Variants in ZNF780A observed in about 807,000 individuals in gnomAD.
ZNF780A encodes the protein zinc finger protein 780A.
ZNF780A carries 40 observed loss-of-function variants against 56.7 expected under a neutral mutation model. The observed-to-expected ratio is 0.71, with a 90% confidence interval of 0.55 to 0.92. The LOEUF (loss-of-function observed/expected upper bound fraction) is 0.92, where lower values mean the gene tolerates loss of function less well. Ranked by LOEUF, ZNF780A falls within the 40% of genes least tolerant of loss-of-function variation. The pLI, the probability that ZNF780A is intolerant of heterozygous loss-of-function variation, is 0.00. For missense variants in ZNF780A, 672 were observed against 783.3 expected, an observed-to-expected ratio of 0.86 and a Z score of 1.70; for synonymous variants, 231 against 248.3, an observed-to-expected ratio of 0.93 and a Z score of 0.66.
At chr19:40,069,566 T>G (rs1362748045), downstream of ZNF780A, 1 of 152,180 alleles carries the variant, frequency 6.6e-6, no homozygotes, top group Non-Finnish European at 1.5e-5. Flanking sequence ...GCTGAGAAAT[T>G]GTTAGTTGAC....
chr19:40,084,942 C>T (rs1568456890), intron 2 of ZNF780A, 144 bp from the exon 3 acceptor site: 3 of 1,123,622 alleles, frequency 2.7e-6, no homozygotes, highest in Non-Finnish European at 3.7e-6. Flanking sequence ...CTTGCCCCCA[C>T]ACACACTCTC....
chr19:40,085,979 T>C (rs2144968861), intron 2 of ZNF780A, among the ~76,000 whole-genome samples: 1 of 148,108 alleles, frequency 6.8e-6, no homozygotes, highest in East Asian at 2.0e-4. Flanking sequence ...TGTGTGTATA[T>C]ATATATTTAT....
rs1973995957 is a variant in ZNF780A at position 40,074,775 on chromosome 19, GGTTT to G, written c.1663_1666del (p.Lys555ProfsTer182). 6.2e-7 allele frequency: 1 copy of G among 1,613,974 alleles called. No homozygotes were observed. Among genetic ancestry groups the G allele is most frequent in the African/African-American group, 1.3e-5 (1 of 74,918 alleles). ...TTTCCCACATTCCTTACATTCAAAG[GGTTT>G]CTTTCCAGTATGAATACTTCGATGT... On this transcript the variant is annotated frameshift_variant, in exon 6 of 6. Transcript: ENST00000683561. LOFTEE classifies it high-confidence loss of function.
chr19:40,080,373 T>C (rs1169940298), intron 5 of ZNF780A, among the ~76,000 whole-genome samples: 2 of 152,190 alleles, frequency 1.3e-5, no homozygotes, highest in Non-Finnish European at 2.9e-5. Flanking sequence ...TAAAGTCACA[T>C]GAATGCCTAT....
At chr19:40,072,902 T>G (rs1383500643), downstream of ZNF780A, 1 of 1,550,420 alleles carries the variant, frequency 6.4e-7, no homozygotes, top group Non-Finnish European at 8.7e-7. Context: ...GATAACCAAA[T>G]GCAATGCAGA....
chr19:40,087,678 C>T (rs1974889934), intron 2 of ZNF780A, among the ~76,000 whole-genome samples: 1 of 152,122 alleles, frequency 6.6e-6, no homozygotes, highest in African/African-American at 2.4e-5. Flanking sequence ...TTGTATAGAA[C>T]CACAAAAGAC....
chr19:40,077,358 T>C (rs1161685179), intron 5 of ZNF780A, among the ~76,000 whole-genome samples: 1 of 151,990 alleles, frequency 6.6e-6, no homozygotes, highest in Non-Finnish European at 1.5e-5. Flanking sequence ...CTTTTACTCA[T>C]AAAAGAAGGC....
At chr19:40,087,958 T>C (rs73549835) in intron 2 of ZNF780A, among the ~76,000 whole-genome samples, 14,071 of 152,120 alleles carry the variant, frequency 0.092, 1,147 homozygotes, top group African/African-American at 0.21. Context: ...GGTATCCATA[T>C]GCAGAAAAAT....
At position 40,075,985 on chromosome 19, in the gene ZNF780A, G is replaced by T. The variant is rs761318246; in HGVS notation, c.457C>A (p.Pro153Thr). Residue 153 changes from proline to threonine, a missense_variant, in exon 6 of 6, where the codon CCT becomes ACT. Coordinates refer to ENST00000683561, the MANE Select transcript of ZNF780A (RefSeq NM_001142578.2). ...ISYEKLPTHT[P>T]HASLICNTHK... ...GTATTGCAAATAAGAGAAGCATGAGGAGTATGAGTAGGCAGTTTTTCATAG... is the reference window on the plus strand; with the variant it reads ...GTATTGCAAATAAGAGAAGCATGAGTAGTATGAGTAGGCAGTTTTTCATAG... The T allele has an allele frequency of 5.0e-6, 8 of 1,613,516 alleles. No homozygotes were observed. Among genetic ancestry groups the T allele is most frequent in the Non-Finnish European group, 5.1e-6 (6 of 1,179,804 alleles).
chr19:40,087,935 GT>G (rs1974910494), intron 2 of ZNF780A, among the ~76,000 whole-genome samples: 1 of 152,134 alleles, frequency 6.6e-6, no homozygotes, highest in Admixed American at 6.5e-5. Context: ...AAAAAATACT[GT>G]TGTGAAAAGT....
chr19:40,081,215 A>G (rs1317667464), intron 5 of ZNF780A, among the ~76,000 whole-genome samples: 1 of 100,680 alleles, frequency 9.9e-6, no homozygotes, highest in African/African-American at 7.7e-5. Flanking sequence ...AATAACAGGA[A>G]AAAAAAAAAA....
At chr19:40,086,026 A>G (rs903117900) in intron 2 of ZNF780A, among the ~76,000 whole-genome samples, 2 of 151,844 alleles carry the variant, frequency 1.3e-5, no homozygotes, top group African/African-American at 4.8e-5. Flanking sequence ...ATGCATCTCT[A>G]TATATGGACA....
intron 5 of ZNF780A, among the ~76,000 whole-genome samples, chr19:40,079,803 T>C (rs956552737): frequency 2.0e-5 from 3 of 151,934 alleles, no homozygotes; most frequent in Non-Finnish European, 4.4e-5. Flanking sequence ...GAATACAACA[T>C]ACCAAAACCT....
chr19:40,085,774 G>A (rs1419675598), intron 2 of ZNF780A, among the ~76,000 whole-genome samples: 3 of 152,076 alleles, frequency 2.0e-5, no homozygotes, highest in Non-Finnish European at 2.9e-5. Flanking sequence ...CAGCTACTCA[G>A]GAGGCTGAGG....
chr19:40,080,391 G>A (rs1974408223), intron 5 of ZNF780A, among the ~76,000 whole-genome samples: 1 of 152,168 alleles, frequency 6.6e-6, no homozygotes, highest in Non-Finnish European at 1.5e-5. Flanking sequence ...TATGTTTATT[G>A]TAGCACTATT....
downstream of ZNF780A, chr19:40,072,913 T>C (rs992618603): frequency 5.8e-6 from 9 of 1,550,622 alleles, no homozygotes; most frequent in Non-Finnish European, 6.1e-6. Context: ...GCAATGCAGA[T>C]TCTGCAATGG....
chr19:40,086,979 A>G (rs1159587532), intron 2 of ZNF780A, among the ~76,000 whole-genome samples: 3 of 152,176 alleles, frequency 2.0e-5, no homozygotes, highest in Non-Finnish European at 4.4e-5. Flanking sequence ...CTGGGATTTC[A>G]GGTGTGAGCC....
chr19:40,089,106 C>T (rs184684427), intron 2 of ZNF780A, among the ~76,000 whole-genome samples: 1 of 152,114 alleles, frequency 6.6e-6, no homozygotes, highest in Non-Finnish European at 1.5e-5. Context: ...AGATCTATTA[C>T]ACAACAGGGT....
chr19:40,083,667 GAAAA>G (rs571135549), intron 3 of ZNF780A, among the ~76,000 whole-genome samples: 44 of 44,670 alleles, frequency 9.9e-4, no homozygotes, highest in African/African-American at 3.3e-3. Context: ...CTGTCTCAGA[GAAAA>G]AAAAAAAAAA....
Sources: gnomAD v4.1 joint callset for allele counts (sites outside exome capture counted in the v4.1 genomes callset) on GRCh38, gnomAD v4.1.1 for gene constraint, MANE v1.5 for transcripts, NCBI Gene and HGNC (gene_info 2026-07-23, HGNC 2026-07-21) for gene names.